The following DRC11 variants were observed in gnomAD, a reference collection of about 807,000 sequenced individuals.
DRC11 encodes the protein IQ and AAA domain-containing protein 1.
the DRC11 span, among the ~76,000 whole-genome samples, chr2:236,417,803 C>T: frequency 6.6e-6 from 1 of 152,062 alleles, no homozygotes; most frequent in Non-Finnish European, 1.5e-5. Flanking sequence ...TGTTCAACTC[C>T]CACTTATGAG....
the DRC11 span, among the ~76,000 whole-genome samples, chr2:236,502,548 CAAAAAAA>C: frequency 5.3e-4 from 8 of 15,092 alleles, no homozygotes; most frequent in East Asian, 9.2e-4. Flanking sequence ...TGCACTCCAG[CAAAAAAA>C]AAAAAAAAAA....
the DRC11 span, among the ~76,000 whole-genome samples, chr2:236,505,565 C>T: frequency 6.6e-6 from 1 of 152,082 alleles, no homozygotes; most frequent in Admixed American, 6.5e-5. Context: ...GCCTTCCCTC[C>T]TCCCAACACT....
At chr2:236,384,986 T>C in the DRC11 span, among the ~76,000 whole-genome samples, 1 of 152,132 alleles carries the variant, frequency 6.6e-6, no homozygotes, top group African/African-American at 2.4e-5. Context: ...TTTGGCGTTA[T>C]TTCTGAGGGC....
chr2:236,462,152 T>C, the DRC11 span, among the ~76,000 whole-genome samples: 1 of 151,880 alleles, frequency 6.6e-6, no homozygotes, highest in Non-Finnish European at 1.5e-5. The surrounding 1 kb of genome is among the most constrained non-coding windows in gnomAD (Gnocchi z 6.4). Context: ...GGGCTGATGG[T>C]AGCAAAATGG....
chr2:236,355,007 T>C, the DRC11 span, among the ~76,000 whole-genome samples: 1 of 152,204 alleles, frequency 6.6e-6, no homozygotes, highest in Non-Finnish European at 1.5e-5. Context: ...TTTTTCTCCT[T>C]CTTTCTTTGC....
At chr2:236,406,496 G>A in the DRC11 span, among the ~76,000 whole-genome samples, 935 of 152,144 alleles carry the variant, frequency 6.1e-3, 10 homozygotes, top group African/African-American at 0.022. The surrounding 1 kb of genome is among the most constrained non-coding windows in gnomAD (Gnocchi z 4.7). Context: ...TGTTCTCAGC[G>A]GCTTTCAGAT....
the DRC11 span, among the ~76,000 whole-genome samples, chr2:236,370,109 T>A: frequency 2.0e-5 from 3 of 152,102 alleles, no homozygotes; most frequent in Non-Finnish European, 4.4e-5. The surrounding 1 kb of genome is among the most constrained non-coding windows in gnomAD (Gnocchi z 5.5). Flanking sequence ...ACAGGACTGG[T>A]GTCCTTATAA....
the DRC11 span, among the ~76,000 whole-genome samples, chr2:236,357,160 A>C: frequency 1.4e-5 from 1 of 73,298 alleles, no homozygotes. Flanking sequence ...TTATGTATTC[A>C]TATATATCTA....
the DRC11 span, among the ~76,000 whole-genome samples, chr2:236,416,766 TATAA>T: frequency 6.1e-4 from 64 of 104,366 alleles, no homozygotes; most frequent in Middle Eastern, 4.6e-3. Context: ...TATATATATA[TATAA>T]ATAATTTTGC....
chr2:236,313,763 T>G, the DRC11 span, among the ~76,000 whole-genome samples: 1 of 152,186 alleles, frequency 6.6e-6, no homozygotes, highest in African/African-American at 2.4e-5. The surrounding 1 kb of genome is among the most constrained non-coding windows in gnomAD (Gnocchi z 4.5). Flanking sequence ...TGCAACAACA[T>G]GGGACTTATT....
At chr2:236,342,740 G>A in the DRC11 span, among the ~76,000 whole-genome samples, 4 of 152,198 alleles carry the variant, frequency 2.6e-5, no homozygotes, top group Non-Finnish European at 4.4e-5. The surrounding 1 kb of genome is among the most constrained non-coding windows in gnomAD (Gnocchi z 5.8). Context: ...GGAGGTGGAG[G>A]ATGGCATTCA....
the DRC11 span, chr2:236,331,386 C>T: frequency 6.2e-7 from 1 of 1,613,652 alleles, no homozygotes; most frequent in South Asian, 1.1e-5. The surrounding 1 kb of genome is among the most constrained non-coding windows in gnomAD (Gnocchi z 4.8). Context: ...CCTCTTTGTA[C>T]ACTGGATTCA....
the DRC11 span, among the ~76,000 whole-genome samples, chr2:236,402,826 T>A: frequency 6.6e-6 from 1 of 152,122 alleles, no homozygotes. This position sits in a 1 kb window ranked among gnomAD's most constrained non-coding sequence, Gnocchi z 6.0. Context: ...AGAAAAAGAC[T>A]AGTAGTGGAT....
the DRC11 span, chr2:236,338,439 A>G: frequency 2.7e-6 from 4 of 1,499,612 alleles, no homozygotes; most frequent in South Asian, 2.4e-5. Context: ...GAAAAAATGA[A>G]AGAAAATTTA....
At chr2:236,339,197 A>T in the DRC11 span, among the ~76,000 whole-genome samples, 3 of 152,160 alleles carry the variant, frequency 2.0e-5, no homozygotes, top group Non-Finnish European at 1.5e-5. Flanking sequence ...CTTATTGGTC[A>T]TTTGTGTATC....
At chr2:236,352,935 G>A in the DRC11 span, among the ~76,000 whole-genome samples, 3 of 152,132 alleles carry the variant, frequency 2.0e-5, no homozygotes, top group East Asian at 1.9e-4. The surrounding 1 kb of genome is among the most constrained non-coding windows in gnomAD (Gnocchi z 7.0). Context: ...CATTCTGTGC[G>A]TGTCGTTTTT....
At chr2:236,360,408 T>C in the DRC11 span, among the ~76,000 whole-genome samples, 208 of 152,348 alleles carry the variant, frequency 1.4e-3, 1 homozygote, top group African/African-American at 4.8e-3. This position sits in a 1 kb window ranked among gnomAD's most constrained non-coding sequence, Gnocchi z 5.8. Context: ...GTCTGGGATA[T>C]ATAGATGCTT....
At chr2:236,377,284 A>G in the DRC11 span, 14 of 675,214 alleles carry the variant, frequency 2.1e-5, no homozygotes, top group African/African-American at 5.4e-5. The surrounding 1 kb of genome is among the most constrained non-coding windows in gnomAD (Gnocchi z 4.9). Flanking sequence ...AACCAGATCT[A>G]TTTCAAAGTA....
At chr2:236,338,458 G>A in the DRC11 span, 1 of 1,286,296 alleles carries the variant, frequency 7.8e-7, no homozygotes, top group African/African-American at 1.5e-5. Context: ...TACTTAGGAT[G>A]CATTGCAGCA....
Sources: gnomAD v4.1 joint callset for allele counts (sites outside exome capture counted in the v4.1 genomes callset) on GRCh38, gnomAD v4.1.1 for gene constraint, Gnocchi (gnomAD v3.1) non-coding constraint, MANE v1.5 for transcripts, NCBI Gene and HGNC (gene_info 2026-07-23, HGNC 2026-07-21) for gene names.